Variants in PARP9 observed in about 807,000 individuals in gnomAD.
PARP9 encodes poly(ADP-ribose) polymerase family member 9.
A neutral mutation model predicts 68.8 loss-of-function variants in PARP9; 48 were observed. The ratio of observed to expected loss-of-function variants is 0.70; its 90% CI spans 0.55 to 0.89. The LOEUF is 0.89. PARP9 is among the 40% of genes least tolerant of loss of function. The pLI, the probability that PARP9 is intolerant of heterozygous loss-of-function variation, is 0.00. For missense variants in PARP9, 806 were observed against 969.3 expected (o/e 0.83, Z 2.24); for synonymous variants, 309 against 333.8 (o/e 0.93, Z 0.81).
At chr3:122,560,644 C>T (rs1438911767) in intron 1 of PARP9, among the ~76,000 whole-genome samples, 1 of 152,164 alleles carries the variant, frequency 6.6e-6, no homozygotes, top group Non-Finnish European at 1.5e-5. Flanking sequence ...TCTCGGCCTC[C>T]CAAAGTGCTG....
chr3:122,558,296 C>T (rs776177443), intron 3 of PARP9, 138 bp downstream of exon 3: 143 of 1,603,666 alleles, frequency 8.9e-5, no homozygotes, highest in Non-Finnish European at 1.1e-4. Context: ...GAAGCATGTG[C>T]GGGGGTCCCC....
At chr3:122,547,488 T>C (rs373163618) in intron 6 of PARP9, among the ~76,000 whole-genome samples, 17 of 152,230 alleles carry the variant, frequency 1.1e-4, no homozygotes, top group African/African-American at 4.1e-4. Context: ...CATATTTTTG[T>C]TTGTATGTTG....
chr3:122,563,561 T>C (rs2080418100), intron 1 of PARP9, among the ~76,000 whole-genome samples: 1 of 152,172 alleles, frequency 6.6e-6, no homozygotes, highest in Admixed American at 6.5e-5. Flanking sequence ...ACCTACTGGC[T>C]CCCATTGTAT....
chr3:122,563,438 C>T (rs751180041), intron 1 of PARP9, among the ~76,000 whole-genome samples: 1 of 152,230 alleles, frequency 6.6e-6, no homozygotes, highest in South Asian at 2.1e-4. Flanking sequence ...AACATCATTA[C>T]AGTTAATTTC....
At chr3:122,545,315 A>G (rs576706319) in intron 7 of PARP9, 117 bp downstream of exon 7, 13 of 1,028,426 alleles carry the variant, frequency 1.3e-5, no homozygotes, top group East Asian at 2.4e-5. Context: ...CAGGACCACA[A>G]TGCAATACCT....
chr3:122,539,484 C>A (rs2077927552), intron 8 of PARP9, among the ~76,000 whole-genome samples: 1 of 150,386 alleles, frequency 6.6e-6, no homozygotes, highest in South Asian at 2.1e-4. Flanking sequence ...ATATCTATCT[C>A]TATCTCTATC....
At chr3:122,543,921 T>G (rs921099441) in intron 7 of PARP9, among the ~76,000 whole-genome samples, 3 of 152,260 alleles carry the variant, frequency 2.0e-5, no homozygotes, top group Admixed American at 6.5e-5. Flanking sequence ...ATTAATCATC[T>G]CCATGTTAAT....
intron 1 of PARP9, among the ~76,000 whole-genome samples, chr3:122,563,189 CT>C (rs2080387449): frequency 6.6e-6 from 1 of 152,158 alleles, no homozygotes; most frequent in Non-Finnish European, 1.5e-5. Context: ...GCTTTCCCTG[CT>C]TAAAGCCCTT....
chr3:122,555,627 T>C lies in PARP9; in HGVS notation c.544A>G (p.Ile182Val), dbSNP rs2079569681. 2 of 1,614,180 alleles carry C rather than the reference T, an allele frequency of 1.2e-6. No individual in the cohort carries two copies. The highest frequency in any genetic ancestry group is 2.7e-5 in the African/African-American group (2 of 75,046). The change falls in exon 4 of 11, where the codon ATT becomes GTT. Residue 182 changes from isoleucine to valine, a missense_variant. Physicochemically the swap from Ile to Val is conservative, Grantham distance 29 (BLOSUM62 3). Coordinates refer to ENST00000682323, the MANE Select transcript of PARP9 (RefSeq NM_001146105.2). ...QGCTGKLQRA[I>V]VSILNYVIYK... is the part of the protein sequence containing the mutation. ...ATGACATAATTCAGAATACTTACAA[T>C]GGCCCTCTGCAGCTTTCCAGTACAT...
chr3:122,551,798 G>C (rs1036904410), intron 5 of PARP9, among the ~76,000 whole-genome samples: 5 of 152,234 alleles, frequency 3.3e-5, no homozygotes, highest in African/African-American at 7.2e-5. Flanking sequence ...AAAGGCCAAC[G>C]AGGTCACTGG....
Position 122,535,190 on chromosome 3 carries a change from T to C in PARP9, c.2080+978A>G, listed in dbSNP as rs373057592. The stretch of plus-strand genomic sequence containing the variant: ...GGAAATTATAGATTTTTTAAGACTT[T>C]GCTAATGAAGGGACTATACTGATCA... On this transcript the variant is annotated intron_variant, in intron 10 of 10. Coordinates refer to ENST00000682323, the MANE Select transcript of PARP9 (RefSeq NM_001146105.2). 8 of 985,332 alleles carry C rather than the reference T, an allele frequency of 8.1e-6. No individual in the cohort carries two copies. In the Admixed American group the frequency reaches 3.1e-4, roughly 38 times the overall value. 61.0% of individuals were successfully genotyped at this position (985,332 alleles called of 1,614,324 possible). A position where few individuals can be genotyped will look rare whatever the true frequency, so the allele number is the denominator to read the frequency against.
rs1198285561 is a variant in PARP9 at position 122,550,656 on chromosome 3, A to G, written c.1254T>C (p.Phe418=). 5 of 1,613,990 alleles carry G rather than the reference A, an allele frequency of 3.1e-6. No homozygotes were observed. The highest frequency in any genetic ancestry group is 4.2e-6 in the Non-Finnish European group (5 of 1,180,034). ...ACTGGTGTTTTACATGGTCTTTGGC[A>G]AATGTTAAAACTTCATCAAACAAAA... ...AEILFDEVLT[F]AKDHVKHQLT... is the part of the protein sequence containing the mutation. Residue 418 remains phenylalanine (F), a synonymous_variant, in exon 6 of 11, where the codon TTT becomes TTC. Coordinates refer to ENST00000682323, the MANE Select transcript of PARP9 (RefSeq NM_001146105.2).
intron 10 of PARP9, among the ~76,000 whole-genome samples, chr3:122,529,053 A>G (rs1360856974): frequency 6.6e-6 from 1 of 151,778 alleles, no homozygotes; most frequent in African/African-American, 2.4e-5. Context: ...CCTGGCCAAC[A>G]TGATGATACC....
intron 10 of PARP9, chr3:122,532,385 ACCCTC>A: frequency 1.6e-5 from 16 of 985,046 alleles, no homozygotes; most frequent in Non-Finnish European, 1.9e-5. Context: ...AAGCCAGACA[ACCCTC>A]CCCACAATGC....
intron 6 of PARP9, among the ~76,000 whole-genome samples, chr3:122,546,728 T>C (rs1214224351): frequency 6.6e-6 from 1 of 152,038 alleles, no homozygotes; most frequent in Non-Finnish European, 1.5e-5. Context: ...GTTACAAAAC[T>C]GAAAGATGTA....
chr3:122,549,573 G>A (rs1209180026), intron 6 of PARP9, among the ~76,000 whole-genome samples: 2 of 152,082 alleles, frequency 1.3e-5, no homozygotes, highest in Non-Finnish European at 2.9e-5. Context: ...TTGAGCCCAG[G>A]AGCTCAAGAC....
chr3:122,536,582 T>C, intron 9 of PARP9: 1 of 682,216 alleles, frequency 1.5e-6, no homozygotes, highest in East Asian at 2.9e-5. Flanking sequence ...TTCACTGACC[T>C]AGACATAGTC....
At position 122,556,045 on chromosome 3, in the gene PARP9, A is replaced by C; in HGVS notation, c.126T>G (p.Asn42Lys). 3 of 1,603,698 alleles carry C rather than the reference A, an allele frequency of 1.9e-6. No individual in the cohort carries two copies. The highest frequency in any genetic ancestry group is 2.6e-6 in the Non-Finnish European group (3 of 1,174,710). Residue 42 changes from asparagine to lysine, a missense_variant, in exon 4 of 11, where the codon AAT becomes AAG. Transcript: ENST00000682323. ...NHNDFKILKNNERQLCEVLQN... is the reference protein window; with the variant it reads ...NHNDFKILKNKERQLCEVLQN... ...GGAGGACTTCACACAGCTGACGCTC[A>C]TTATTTTTTAAAATTTTGAAGTCAT...
rs770027215 is a variant in PARP9 at position 122,545,483 on chromosome 3, T to C, written c.1333A>G (p.Ser445Gly). The change falls in exon 7 of 11, where the codon AGT becomes GGT. Residue 445 changes from serine to glycine, a missense_variant. Coordinates refer to ENST00000682323, the MANE Select transcript of PARP9 (RefSeq NM_001146105.2). ...PTDLEIYKAF[S>G]SEMAKRSKML... ...TTGGACCTCTTTGCCATTTCAGAAC[T>C]GAAAGCCTACAAGAAGCAAAACAGA... 7 of 1,614,086 alleles carry C rather than the reference T, an allele frequency of 4.3e-6. No individual in the cohort carries two copies. In the Admixed American group the frequency reaches 1.0e-4, roughly 23 times the overall value.
Sources: gnomAD v4.1 joint callset for allele counts (sites outside exome capture counted in the v4.1 genomes callset) on GRCh38, gnomAD v4.1.1 for gene constraint, MANE v1.5 for transcripts, NCBI Gene and HGNC (gene_info 2026-07-23, HGNC 2026-07-21) for gene names.